PRKN: variants seen among roughly 807,000 people sequenced by gnomAD.
PRKN encodes parkin RBR E3 ubiquitin protein ligase, also known as E3 ubiquitin-protein ligase parkin.
A neutral mutation model predicts 59.5 loss-of-function variants in PRKN; 56 were observed. The observed-to-expected ratio is 0.94, with a 90% CI of 0.76 to 1.18. The LOEUF is 1.18. Ranked by LOEUF, PRKN falls within the 50% of genes most tolerant of loss-of-function variation. PRKN has a pLI of 0.00. For synonymous variants in PRKN, 250 were observed against 222.1 expected (o/e 1.13, Z -1.12); for missense variants, 657 against 596.4 (o/e 1.10, Z -1.06).
intron 7 of PRKN, among the ~76,000 whole-genome samples, chr6:161,747,072 G>A (rs555141912): frequency 1.8e-4 from 28 of 152,096 alleles, no homozygotes; most frequent in Admixed American, 7.9e-4. Flanking sequence ...GAGAGACTGC[G>A]GTCTGTAAAG....
intron 7 of PRKN, among the ~76,000 whole-genome samples, chr6:161,611,802 G>C (rs1782497730): frequency 6.6e-6 from 1 of 152,222 alleles, no homozygotes; most frequent in African/African-American, 2.4e-5. Flanking sequence ...TAAGCTTGGT[G>C]AGGAAGGCAT....
chr6:162,128,797 C>T (rs1177372006), intron 4 of PRKN, among the ~76,000 whole-genome samples: 3 of 152,202 alleles, frequency 2.0e-5, no homozygotes, highest in Non-Finnish European at 2.9e-5. Context: ...AGAGCTGCCT[C>T]GCCTCTTCCA....
At chr6:162,543,334 G>A (rs1303648332) in intron 1 of PRKN, among the ~76,000 whole-genome samples, 1 of 152,056 alleles carries the variant, frequency 6.6e-6, no homozygotes, top group East Asian at 1.9e-4. Flanking sequence ...CCTTGGCCCA[G>A]AGCAGTCACA....
chr6:161,826,635 T>C (rs143317311), intron 6 of PRKN, among the ~76,000 whole-genome samples: 2 of 152,332 alleles, frequency 1.3e-5, no homozygotes, highest in African/African-American at 4.8e-5. Context: ...CAGTCAGTTC[T>C]AGACAGATGG....
intron 9 of PRKN, among the ~76,000 whole-genome samples, chr6:161,501,498 T>C (rs1777962763): frequency 6.6e-6 from 1 of 152,182 alleles, no homozygotes. Flanking sequence ...TTTGAAAAGT[T>C]CTTTGTATAT....
intron 9 of PRKN, among the ~76,000 whole-genome samples, chr6:161,522,776 T>C (rs1316454132): frequency 6.6e-6 from 1 of 152,242 alleles, no homozygotes; most frequent in Non-Finnish European, 1.5e-5. Context: ...TGTCTTTCCC[T>C]TCCGTAGTGA....
intron 6 of PRKN, among the ~76,000 whole-genome samples, chr6:161,925,454 C>T (rs1032660298): frequency 6.6e-6 from 1 of 152,008 alleles, no homozygotes; most frequent in Non-Finnish European, 1.5e-5. Flanking sequence ...GCCTGTGATC[C>T]CAGCTACTCA....
At chr6:162,166,128 T>C (rs1782979698) in intron 4 of PRKN, among the ~76,000 whole-genome samples, 1 of 151,320 alleles carries the variant, frequency 6.6e-6, no homozygotes. Flanking sequence ...TACCTTGTTG[T>C]ATAAATGCTC....
intron 6 of PRKN, among the ~76,000 whole-genome samples, chr6:161,894,073 G>A (rs1400662303): frequency 4.6e-5 from 7 of 152,096 alleles, no homozygotes; most frequent in Non-Finnish European, 1.0e-4. Flanking sequence ...GCATTAAATG[G>A]TGTGACCTTC....
At chr6:161,864,456 C>T (rs1229565040) in intron 6 of PRKN, among the ~76,000 whole-genome samples, 2 of 152,180 alleles carry the variant, frequency 1.3e-5, no homozygotes, top group Non-Finnish European at 2.9e-5. Flanking sequence ...CTTGCTATTT[C>T]CACCATATCT....
chr6:161,661,250 C>T (rs571169428), intron 7 of PRKN, among the ~76,000 whole-genome samples: 3 of 152,202 alleles, frequency 2.0e-5, no homozygotes, highest in Non-Finnish European at 4.4e-5. Flanking sequence ...TCTGACAGGG[C>T]CCTCTGAACA....
chr6:161,682,164 A>G (rs1031363763), intron 7 of PRKN, among the ~76,000 whole-genome samples: 4 of 152,172 alleles, frequency 2.6e-5, no homozygotes, highest in African/African-American at 7.2e-5. Context: ...AGGGCTGCCC[A>G]ATGGGCCCCA....
At position 161,946,414 on chromosome 6, in the gene PRKN, A is replaced by ACACACACACACTCTCT. The variant is rs1247187053; in HGVS notation, c.734+26887_734+26888insAGAGAGTGTGTGTGTG. On this transcript the variant is annotated intron_variant, in intron 6 of 11. Coordinates refer to ENST00000366898, the MANE Select transcript of PRKN (RefSeq NM_004562.3). The stretch of plus-strand genomic sequence containing the variant: ...CACACACACACACACACACACACAC[A>ACACACACACACTCTCT]CTCTCTCTCTCTCTCTCTCTCTCTC... 3.4e-4 allele frequency among the ~76,000 whole-genome samples: 39 copies of ACACACACACACTCTCT among 114,434 alleles called. No homozygotes were observed. The East Asian group carries it at 7.0e-3, about 20-fold the overall frequency. The allele number at this position is 114,434 out of a possible 152,430, so 75.1% of individuals were successfully genotyped here.
rs570538144 is a variant in PRKN at position 161,471,790 on chromosome 6, C to A, written c.1083+77064G>T. ...AGTTATAGCTTAACAGAACATGTGT[C>A]ATAAAGATAATTAACATACAATAAA... On this transcript the variant is annotated intron_variant, in intron 9 of 11. Transcript: ENST00000366898. The surrounding 1 kb of genome is among the most constrained non-coding windows in gnomAD (Gnocchi z 4.5). Among the ~76,000 whole-genome samples the A allele has an allele frequency of 1.3e-5, 2 of 152,172 alleles. No individual in the cohort carries two copies. Among genetic ancestry groups the A allele is most frequent in the Admixed American group, 1.3e-4 (2 of 15,284 alleles).
chr6:161,532,268 T>TA (rs1389423445), intron 9 of PRKN, among the ~76,000 whole-genome samples: 1 of 151,978 alleles, frequency 6.6e-6, no homozygotes, highest in African/African-American at 2.4e-5. Flanking sequence ...TGTGTAAAAC[T>TA]AACTGGATTA....
At chr6:162,683,660 C>G (rs913473060) in intron 1 of PRKN, among the ~76,000 whole-genome samples, 1 of 152,024 alleles carries the variant, frequency 6.6e-6, no homozygotes, top group African/African-American at 2.4e-5. Flanking sequence ...TGTAAAAAAA[C>G]TATAATTACT....
At chr6:162,170,970 T>C (rs1266510825) in intron 4 of PRKN, among the ~76,000 whole-genome samples, 1 of 152,206 alleles carries the variant, frequency 6.6e-6, no homozygotes, top group Non-Finnish European at 1.5e-5. Flanking sequence ...ATTCATTCTA[T>C]TAACAAACTA....
chr6:161,455,506 CT>C (rs1789927034), intron 9 of PRKN, among the ~76,000 whole-genome samples: 1 of 152,044 alleles, frequency 6.6e-6, no homozygotes, highest in South Asian at 2.1e-4. Context: ...TTATAGAGGC[CT>C]ATCAGTGTAG....
chr6:162,409,727 T>C (rs1278989854), intron 2 of PRKN, among the ~76,000 whole-genome samples: 1 of 152,212 alleles, frequency 6.6e-6, no homozygotes. Context: ...TTGTTTAAAC[T>C]ACATCATGTA....
Sources: allele counts gnomAD v4.1 joint callset (sites outside exome capture counted in the v4.1 genomes callset), GRCh38; gene constraint gnomAD v4.1.1; non-coding constraint Gnocchi (gnomAD v3.1); transcripts MANE v1.5; gene names NCBI Gene and HGNC (gene_info 2026-07-23, HGNC 2026-07-21).